Variants in CCNY observed in about 807,000 individuals in gnomAD.
CCNY encodes cyclin-Y.
A neutral mutation model predicts 42.8 loss-of-function variants in CCNY; 19 were observed. The observed-to-expected ratio is 0.44, with a 90% confidence interval of 0.31 to 0.65. CCNY has a LOEUF of 0.65. Ranked by LOEUF, CCNY falls within the 30% of genes least tolerant of loss-of-function variation. The pLI, the probability that CCNY is intolerant of heterozygous loss-of-function variation, is 0.07. For synonymous variants in CCNY, 165 were observed against 162.7 expected, an observed-to-expected ratio of 1.01 and a Z score of -0.11; for missense variants, 370 against 437.3, an observed-to-expected ratio of 0.85 and a Z score of 1.37.
At chr10:35,372,051 G>A (rs1006446908) in intron 1 of CCNY, among the ~76,000 whole-genome samples, 18 of 152,330 alleles carry the variant, frequency 1.2e-4, no homozygotes, top group African/African-American at 3.1e-4. Flanking sequence ...GTGTGAAAAG[G>A]CAGGTACTGT....
At chr10:35,331,331 T>G (rs1440716130) in intron 3 of CCNY, among the ~76,000 whole-genome samples, 1 of 152,192 alleles carries the variant, frequency 6.6e-6, no homozygotes, top group Non-Finnish European at 1.5e-5. Flanking sequence ...TATATACCAT[T>G]TCTCTTCTTG....
rs1184879508 is a variant in CCNY at position 35,336,531 on chromosome 10, C to T, written c.-523C>T. On this transcript the variant is annotated 5_prime_UTR_variant, in exon 1 of 10. Coordinates refer to ENST00000374704, the MANE Select transcript of CCNY (RefSeq NM_145012.6). ...AGCATCCTCCCTGGCCGCGCCGCAC[C>T]GCGCCGCGAGGAGTCCGGGGGCTGC... 6.7e-6 allele frequency: 1 copy of T among 149,248 alleles called. No individual in the cohort carries two copies. Among genetic ancestry groups the T allele is most frequent in the South Asian group, 2.1e-4 (1 of 4,810 alleles). The allele number at this position is 149,248 out of a possible 1,614,324, so 9.2% of individuals were successfully genotyped here.
intron 3 of CCNY, among the ~76,000 whole-genome samples, chr10:35,514,129 A>G (rs1438868329): frequency 1.3e-5 from 2 of 150,390 alleles, no homozygotes; most frequent in Non-Finnish European, 3.0e-5. Flanking sequence ...GAGCATTTCT[A>G]GTAGAAGGAT....
At chr10:35,434,695 A>G (rs564726041) in intron 1 of CCNY, among the ~76,000 whole-genome samples, 1 of 152,284 alleles carries the variant, frequency 6.6e-6, no homozygotes, top group South Asian at 2.1e-4. Flanking sequence ...AATGAAACCA[A>G]TAAGTAGGTA....
intron 1 of CCNY, among the ~76,000 whole-genome samples, chr10:35,400,048 A>G (rs1022956163): frequency 1.3e-5 from 2 of 151,858 alleles, no homozygotes; most frequent in African/African-American, 2.4e-5. Context: ...GGGACATGCA[A>G]TGGGTCCCTT....
At chr10:35,552,654 A>T (rs1010426135) in intron 7 of CCNY, among the ~76,000 whole-genome samples, 7 of 152,090 alleles carry the variant, frequency 4.6e-5, no homozygotes, top group African/African-American at 7.2e-5. Flanking sequence ...AATTTAAAAA[A>T]CCCTACAAAC....
Position 35,445,279 on chromosome 10 carries a change from C to T in CCNY, c.155-38125C>T, listed in dbSNP as rs117930905. ...TTCCAGGTAGAGCCATGCTGCCGCCCTGCTCTTCTGCCTCCCACTCTCCAC... is the reference window on the plus strand; with the variant it reads ...TTCCAGGTAGAGCCATGCTGCCGCCTTGCTCTTCTGCCTCCCACTCTCCAC... On this transcript the variant is annotated intron_variant, in intron 1 of 9. Coordinates refer to ENST00000374704, the MANE Select transcript of CCNY (RefSeq NM_145012.6). Among the ~76,000 whole-genome samples, 592 of 152,298 alleles carry T rather than the reference C, an allele frequency of 3.9e-3. 1 individual carries two copies. Among genetic ancestry groups the T allele is most frequent in the Non-Finnish European group, 6.9e-3 (468 of 68,028 alleles).
chr10:35,323,543 A>G (rs1280393412), intron 3 of CCNY, among the ~76,000 whole-genome samples: 2 of 152,212 alleles, frequency 1.3e-5, no homozygotes, highest in African/African-American at 4.8e-5. Flanking sequence ...GAGTCTATAC[A>G]TTTTATAAGA....
chr10:35,460,088 G>GA (rs1469316047), intron 1 of CCNY, among the ~76,000 whole-genome samples: 9 of 152,178 alleles, frequency 5.9e-5, no homozygotes, highest in African/African-American at 2.2e-4. Context: ...CTTCCTTGGT[G>GA]AGGTAGCATG....
At chr10:35,540,890 T>C (rs1294641219) in intron 7 of CCNY, among the ~76,000 whole-genome samples, 3 of 152,220 alleles carry the variant, frequency 2.0e-5, no homozygotes, top group African/African-American at 7.2e-5. Flanking sequence ...ATTTTACTTA[T>C]TTGAGCCATC....
intron 1 of CCNY, among the ~76,000 whole-genome samples, chr10:35,402,574 A>G (rs1397594925): frequency 1.3e-5 from 2 of 152,334 alleles, no homozygotes; most frequent in East Asian, 3.9e-4. Flanking sequence ...TTTGGAGGAA[A>G]GAGAAATGCA....
chr10:35,381,802 C>CT (rs1463535054), intron 1 of CCNY, among the ~76,000 whole-genome samples: 1 of 152,190 alleles, frequency 6.6e-6, no homozygotes, highest in Non-Finnish European at 1.5e-5. Flanking sequence ...GATAGTGTTA[C>CT]TGATGACTAT....
At chr10:35,440,719 C>T (rs973140521) in intron 1 of CCNY, among the ~76,000 whole-genome samples, 9 of 152,178 alleles carry the variant, frequency 5.9e-5, no homozygotes, top group South Asian at 2.1e-4. Flanking sequence ...GCAGAAAGGA[C>T]GGAGCCTAGA....
chr10:35,438,673 T>G (rs1228610927), intron 1 of CCNY, among the ~76,000 whole-genome samples: 2 of 152,244 alleles, frequency 1.3e-5, no homozygotes, highest in Non-Finnish European at 2.9e-5. Context: ...ATTGTTACAC[T>G]GTTTGCTTCA....
chr10:35,311,723 C>A (rs542670544), intron 3 of CCNY, among the ~76,000 whole-genome samples: 1 of 143,522 alleles, frequency 7.0e-6, no homozygotes, highest in Non-Finnish European at 1.5e-5. Context: ...TGGTGGCTCA[C>A]GCCTGTAATC....
chr10:35,371,616 T>C lies in CCNY; in HGVS notation c.154+34409T>C, dbSNP rs1221364120. Among the ~76,000 whole-genome samples the C allele has an allele frequency of 2.0e-5, 3 of 152,150 alleles. No individual in the cohort carries two copies. The East Asian group carries it at 5.8e-4, about 29-fold the overall frequency. On this transcript the variant is annotated intron_variant, in intron 1 of 9. Coordinates refer to ENST00000374704, the MANE Select transcript of CCNY (RefSeq NM_145012.6). ...GGTGCTTTCATCCTCCCTACAGTTT[T>C]AACGTGAGGCCTCAGCTTGGGAGGA...
chr10:35,494,647 A>AT (rs2135382823), intron 2 of CCNY, among the ~76,000 whole-genome samples: 1 of 152,350 alleles, frequency 6.6e-6, no homozygotes, highest in South Asian at 2.1e-4. Context: ...GAAATATCAC[A>AT]ATCTATAGGA....
chr10:35,406,941 G>T (rs534524108), intron 1 of CCNY, among the ~76,000 whole-genome samples: 9 of 152,152 alleles, frequency 5.9e-5, no homozygotes, highest in Non-Finnish European at 7.4e-5. Context: ...TGTCGGGAGC[G>T]GATTGGGTAA....
At chr10:35,482,383 A>T (rs1839687845) in intron 1 of CCNY, among the ~76,000 whole-genome samples, 1 of 152,112 alleles carries the variant, frequency 6.6e-6, no homozygotes, top group Admixed American at 6.5e-5. Flanking sequence ...AGTAATTTTG[A>T]TCTCTTTCCT....
Sources: gnomAD v4.1 joint callset for allele counts (sites outside exome capture counted in the v4.1 genomes callset) on GRCh38, gnomAD v4.1.1 for gene constraint, MANE v1.5 for transcripts, NCBI Gene and HGNC (gene_info 2026-07-23, HGNC 2026-07-21) for gene names.